The following TAB2 variants were observed in gnomAD, a reference collection of about 807,000 sequenced individuals.
TAB2 encodes the protein TGF-beta activated kinase 1 (MAP3K7) binding protein 2.
In TAB2, 3 loss-of-function variants were observed where a neutral mutation model predicts 65.0. The observed-to-expected ratio is 0.05, with a 90% CI of 0.02 to 0.12. The LOEUF (loss-of-function observed/expected upper bound fraction) is 0.12, where lower values mean the gene tolerates loss of function less well. Among genes scored for constraint, TAB2 ranks in the 10% least tolerant of loss-of-function variants. The pLI is 1.00. For missense variants in TAB2, 623 were observed against 840.3 expected (o/e 0.74, Z 3.20); for synonymous variants, 298 against 285.1 (o/e 1.05, Z -0.46).
At chr6:149,278,383 A>G (rs905205065) in intron 1 of TAB2, among the ~76,000 whole-genome samples, 1 of 152,238 alleles carries the variant, frequency 6.6e-6, no homozygotes, top group African/African-American at 2.4e-5. Context: ...CCTGTACTCC[A>G]AAACATATGA....
chr6:149,275,673 C>G (rs903537161), intron 1 of TAB2, among the ~76,000 whole-genome samples: 1 of 152,182 alleles, frequency 6.6e-6, no homozygotes, highest in Admixed American at 6.5e-5. Context: ...AACCTGCAAA[C>G]ACTACCTCAT....
intron 1 of TAB2, among the ~76,000 whole-genome samples, chr6:149,282,795 T>G (rs1376321590): frequency 3.3e-5 from 5 of 152,204 alleles, no homozygotes; most frequent in African/African-American, 1.2e-4. Context: ...GTCACATGAA[T>G]TCGTCACACA....
intron 1 of TAB2, among the ~76,000 whole-genome samples, chr6:149,266,381 A>G (rs1778265931): frequency 6.6e-6 from 1 of 152,242 alleles, no homozygotes; most frequent in Non-Finnish European, 1.5e-5. Context: ...CTTAGTAGAC[A>G]TGAATATGCT....
At position 149,378,555 on chromosome 6, in the gene TAB2, T is replaced by G; in HGVS notation, c.640T>G (p.Tyr214Asp). The G allele has an allele frequency of 6.2e-7, 1 of 1,614,046 alleles. No homozygotes were observed. The highest frequency in any genetic ancestry group is 8.5e-7 in the Non-Finnish European group (1 of 1,180,028). ...VLNSPQGNSIYIRPYITTPGG... is the reference protein window; with the variant it reads ...VLNSPQGNSIDIRPYITTPGG... ...TAACAGTCCACAGGGAAATTCTATC[T>G]ATATTAGGCCTTACATTACAACTCC... Residue 214 changes from tyrosine (Y) to aspartate (D), a missense_variant, in exon 3 of 7, where the codon TAT becomes GAT. Coordinates refer to ENST00000637181, the MANE Select transcript of TAB2 (RefSeq NM_001292034.3).
At chr6:149,395,321 T>G (rs970636557) in intron 3 of TAB2, among the ~76,000 whole-genome samples, 8 of 152,392 alleles carry the variant, frequency 5.2e-5, no homozygotes, top group Middle Eastern at 3.4e-3. Context: ...GTTGCATTCA[T>G]TGTGATTTCT....
At chr6:149,317,485 C>T (rs939466667), upstream of TAB2, 4 of 162,590 alleles carry the variant, frequency 2.5e-5, no homozygotes, top group South Asian at 1.3e-4. This position sits in a 1 kb window ranked among gnomAD's most constrained non-coding sequence, Gnocchi z 4.7. Context: ...TCACAGCCGC[C>T]GCCTCAGCCG....
intron 1 of TAB2, chr6:149,342,979 T>G (rs1780176519): frequency 6.6e-6 from 1 of 152,234 alleles, no homozygotes; most frequent in Non-Finnish European, 1.5e-5. Flanking sequence ...AACATGCAGC[T>G]AGTATTGAGT....
chr6:149,289,681 TA>T (rs770561408), intron 1 of TAB2, among the ~76,000 whole-genome samples: 10 of 152,188 alleles, frequency 6.6e-5, no homozygotes, highest in Non-Finnish European at 1.3e-4. Context: ...TCAAACTCTG[TA>T]AAATATTTGA....
chr6:149,340,850 A>G (rs984404733), intron 1 of TAB2, among the ~76,000 whole-genome samples: 4 of 152,194 alleles, frequency 2.6e-5, no homozygotes, highest in Admixed American at 2.0e-4. Flanking sequence ...TAAAACAACT[A>G]TAAGGAAATC....
chr6:149,328,222 T>C (rs1262904479), intron 1 of TAB2, among the ~76,000 whole-genome samples: 4 of 152,218 alleles, frequency 2.6e-5, no homozygotes, highest in Non-Finnish European at 5.9e-5. Context: ...TTCTATGACA[T>C]GCTTGTGCAG....
chr6:149,341,507 A>T (rs1458359425), intron 1 of TAB2, among the ~76,000 whole-genome samples: 1 of 152,164 alleles, frequency 6.6e-6, no homozygotes, highest in Non-Finnish European at 1.5e-5. Context: ...AGTGCTTTAC[A>T]TACACTTTAG....
chr6:149,259,334 TACACACACACACACAC>T (rs61261942), intron 1 of TAB2, among the ~76,000 whole-genome samples: 6 of 145,930 alleles, frequency 4.1e-5, no homozygotes, highest in Non-Finnish European at 7.6e-5. Context: ...ACGCTCCCTC[TACACACACACACACAC>T]ACACACACAC....
At chr6:149,265,493 C>T (rs1778243121) in intron 1 of TAB2, among the ~76,000 whole-genome samples, 1 of 152,140 alleles carries the variant, frequency 6.6e-6, no homozygotes, top group Admixed American at 6.6e-5. Context: ...ACCAATAGCT[C>T]GCTTTCCTCT....
At chr6:149,268,409 G>A (rs1375958203) in intron 1 of TAB2, among the ~76,000 whole-genome samples, 1 of 152,150 alleles carries the variant, frequency 6.6e-6, no homozygotes, top group African/African-American at 2.4e-5. Context: ...TCATGTCCTA[G>A]GTAGACTACA....
At chr6:149,360,591 A>G (rs1780811931) in intron 1 of TAB2, among the ~76,000 whole-genome samples, 1 of 152,188 alleles carries the variant, frequency 6.6e-6, no homozygotes, top group Non-Finnish European at 1.5e-5. Context: ...TCAACATGAG[A>G]TTTAGAGAAG....
chr6:149,406,697 TTTTG>T (rs369961981), intron 6 of TAB2, among the ~76,000 whole-genome samples: 169 of 152,208 alleles, frequency 1.1e-3, no homozygotes, highest in East Asian at 3.9e-3. Context: ...TCTACTTCAT[TTTTG>T]TTTGTTTGTT....
chr6:149,376,672 C>T (rs1781407967), intron 2 of TAB2, among the ~76,000 whole-genome samples: 1 of 152,112 alleles, frequency 6.6e-6, no homozygotes, highest in African/African-American at 2.4e-5. Flanking sequence ...ACTTCATTAC[C>T]ACTTAATATT....
chr6:149,233,833 A>G (rs1290948502), intron 1 of TAB2, among the ~76,000 whole-genome samples: 1 of 152,124 alleles, frequency 6.6e-6, no homozygotes, highest in African/African-American at 2.4e-5. Flanking sequence ...AATATATCCA[A>G]TGCTTGATCC....
At chr6:149,386,134 A>G (rs895909776) in intron 3 of TAB2, among the ~76,000 whole-genome samples, 1 of 152,172 alleles carries the variant, frequency 6.6e-6, no homozygotes, top group Admixed American at 6.5e-5. Flanking sequence ...CACACTATAC[A>G]CATGGGTCTG....
Sources: allele counts gnomAD v4.1 joint callset (sites outside exome capture counted in the v4.1 genomes callset), GRCh38; gene constraint gnomAD v4.1.1; non-coding constraint Gnocchi (gnomAD v3.1); transcripts MANE v1.5; gene names NCBI Gene and HGNC (gene_info 2026-07-23, HGNC 2026-07-21).